The following CSMD1 variants were observed in gnomAD, a reference collection of about 807,000 sequenced individuals.
CSMD1 encodes CUB and sushi domain-containing protein 1.
A neutral mutation model predicts 417.5 loss-of-function variants in CSMD1; 213 were observed. The observed-to-expected ratio is 0.51, with a 90% CI of 0.46 to 0.57. CSMD1 has a LOEUF of 0.57. Ranked by LOEUF, CSMD1 falls within the 20% of genes least tolerant of loss-of-function variation. The pLI, the probability that CSMD1 is intolerant of heterozygous loss-of-function variation, is 0.00. For synonymous variants in CSMD1, 2,862 were observed against 1,736.8 expected (o/e 1.65, Z -16.11); for missense variants, 6,923 against 4,529.7 (o/e 1.53, Z -15.17).
chr8:3,831,864 C>G lies in CSMD1; in HGVS notation c.819-77822G>C, dbSNP rs544076942. On this transcript the variant is annotated intron_variant, in intron 5 of 69. Coordinates refer to ENST00000635120, the MANE Select transcript of CSMD1 (RefSeq NM_033225.6). Reference sequence around the variant, plus strand: ...TATCCTTGTTCATATAACATAGCATCTTTGTGATTCAGGTCATACAATATG... The same window carrying G: ...TATCCTTGTTCATATAACATAGCATGTTTGTGATTCAGGTCATACAATATG... Among the ~76,000 whole-genome samples the G allele has an allele frequency of 2.4e-4, 37 of 152,240 alleles. No individual in the cohort carries two copies. In the South Asian group the frequency reaches 7.5e-3, roughly 31 times the overall value.
chr8:3,480,108 C>A (rs1817651476), intron 11 of CSMD1, among the ~76,000 whole-genome samples: 1 of 152,114 alleles, frequency 6.6e-6, no homozygotes, highest in South Asian at 2.1e-4. Context: ...TCTGTAATCT[C>A]AGCACTTTGG....
intron 5 of CSMD1, among the ~76,000 whole-genome samples, chr8:3,983,420 G>A (rs1002439986): frequency 3.3e-5 from 5 of 151,776 alleles, no homozygotes; most frequent in Admixed American, 6.6e-5. Flanking sequence ...GTGAGCCACC[G>A]CGCCCGGCCG....
intron 30 of CSMD1, among the ~76,000 whole-genome samples, chr8:3,209,412 G>A (rs1418102220): frequency 6.6e-6 from 1 of 152,028 alleles, no homozygotes; most frequent in Non-Finnish European, 1.5e-5. Flanking sequence ...CATCTCCCGG[G>A]TTCATGCCAT....
In CSMD1 at chr8:3,983,571, T is replaced by G. The variant is rs202051312; in HGVS notation, c.818+14332A>C. Among the ~76,000 whole-genome samples, 20 of 152,312 alleles carry G rather than the reference T, an allele frequency of 1.3e-4. No individual in the cohort carries two copies. The East Asian group carries it at 3.9e-3, about 29-fold the overall frequency. On this transcript the variant is annotated intron_variant, in intron 5 of 69. Coordinates refer to ENST00000635120, the MANE Select transcript of CSMD1 (RefSeq NM_033225.6). ...GTGGAGAAGGACAGCCCCAATTTTGTTTTTGATGTTTCTATTTTATTTTTT... is the reference window on the plus strand; with the variant it reads ...GTGGAGAAGGACAGCCCCAATTTTGGTTTTGATGTTTCTATTTTATTTTTT...
chr8:4,443,584 A>G (rs987312480), intron 2 of CSMD1, among the ~76,000 whole-genome samples: 2 of 151,448 alleles, frequency 1.3e-5, no homozygotes, highest in African/African-American at 4.8e-5. Context: ...AATAATATGC[A>G]TTTGCTTAAA....
chr8:2,974,615 C>T lies in CSMD1; in HGVS notation c.8576G>A (p.Cys2859Tyr), dbSNP rs1218077987. The T allele has an allele frequency of 1.3e-6, 2 of 1,595,242 alleles. No individual in the cohort carries two copies. The highest frequency in any genetic ancestry group is 1.1e-5 in the South Asian group (1 of 88,122). The change falls in exon 56 of 70, where the codon TGT (cysteine) becomes TAT (tyrosine). Residue 2859 changes from cysteine (C) to tyrosine (Y), a missense_variant. By Grantham distance (194) the Cys-to-Tyr change is radical. Coordinates refer to ENST00000635120, the MANE Select transcript of CSMD1 (RefSeq NM_033225.6). ...RSLPKCLAIS[C>Y]GHPGVPANAV... ...GTTGGCAGGGACCCCTGGGTGTCCA[C>T]ACGATATAGCTTCAGAAAAAAGATA...
Position 3,219,270 on chromosome 8 carries a change from C to A in CSMD1, c.4657G>T (p.Ala1553Ser). 6.3e-7 allele frequency: 1 copy of A among 1,592,406 alleles called. No individual in the cohort carries two copies. Among genetic ancestry groups the A allele is most frequent in the Non-Finnish European group, 8.6e-7 (1 of 1,168,448 alleles). The change falls in exon 29 of 70, where the codon GCC (alanine) becomes TCC (serine). Residue 1553 changes from alanine (A) to serine (S), a missense_variant. Physicochemically the swap from Ala to Ser is moderately conservative, Grantham distance 99 (BLOSUM62 1). Coordinates refer to ENST00000635120, the MANE Select transcript of CSMD1 (RefSeq NM_033225.6). ...ATCGCAATACCTTTAAATTCAATGGCGAACCCTGAAAGGCCCACGGAGGCA... is the reference window on the plus strand; with the variant it reads ...ATCGCAATACCTTTAAATTCAATGGAGAACCCTGAAAGGCCCACGGAGGCA... ...SDASVGLSGF[A>S]IEFKEKPREA... is the part of the protein sequence containing the mutation.
At chr8:3,630,170 T>A (rs1189680380) in intron 7 of CSMD1, among the ~76,000 whole-genome samples, 1 of 152,244 alleles carries the variant, frequency 6.6e-6, no homozygotes, top group Non-Finnish European at 1.5e-5. Flanking sequence ...ACTGAATGCC[T>A]GGTACAGGCA....
chr8:3,583,089 T>A (rs1182958818), intron 9 of CSMD1, among the ~76,000 whole-genome samples: 1 of 152,130 alleles, frequency 6.6e-6, no homozygotes, highest in Non-Finnish European at 1.5e-5. Context: ...TTTGACCTCT[T>A]CCTGGGGAGC....
intron 6 of CSMD1, among the ~76,000 whole-genome samples, chr8:3,719,739 T>C (rs1354224863): frequency 6.6e-6 from 1 of 152,160 alleles, no homozygotes; most frequent in African/African-American, 2.4e-5. Flanking sequence ...TACAAATATA[T>C]ACTGGCTGCT....
intron 3 of CSMD1, among the ~76,000 whole-genome samples, chr8:4,095,364 C>G (rs1425066705): frequency 6.6e-6 from 1 of 151,558 alleles, no homozygotes; most frequent in African/African-American, 2.4e-5. Flanking sequence ...TTGTATGTGG[C>G]TGATGTAGAA....
chr8:3,537,745 A>G (rs1320186535), intron 10 of CSMD1, among the ~76,000 whole-genome samples: 2 of 152,274 alleles, frequency 1.3e-5, no homozygotes, highest in Admixed American at 6.5e-5. Context: ...GTTTTTAACT[A>G]TTTTATTTAG....
intron 5 of CSMD1, among the ~76,000 whole-genome samples, chr8:3,893,032 T>C (rs1054206952): frequency 1.5e-4 from 23 of 151,954 alleles, no homozygotes; most frequent in African/African-American, 5.5e-4. Flanking sequence ...TTGTCAATAA[T>C]AGTGATATGG....
intron 12 of CSMD1, among the ~76,000 whole-genome samples, chr8:3,442,560 G>C (rs773904910): frequency 6.6e-6 from 1 of 152,132 alleles, no homozygotes; most frequent in Non-Finnish European, 1.5e-5. Flanking sequence ...TACAGGTTTG[G>C]AGCCTAGGAA....
At chr8:4,579,404 G>T (rs548898811) in intron 2 of CSMD1, among the ~76,000 whole-genome samples, 3 of 151,952 alleles carry the variant, frequency 2.0e-5, no homozygotes, top group African/African-American at 7.2e-5. Flanking sequence ...CATCCTCCAG[G>T]CTGGTGTACA....
At chr8:3,129,076 G>A (rs1005546512) in intron 41 of CSMD1, among the ~76,000 whole-genome samples, 2 of 152,162 alleles carry the variant, frequency 1.3e-5, no homozygotes, top group Non-Finnish European at 2.9e-5. Context: ...AAAGGCCACG[G>A]AGTCAACATC....
At chr8:3,255,080 C>G (rs1302822615) in intron 26 of CSMD1, among the ~76,000 whole-genome samples, 5 of 152,176 alleles carry the variant, frequency 3.3e-5, no homozygotes, top group Non-Finnish European at 7.3e-5. Flanking sequence ...TGTTAGTTTT[C>G]ATTGTAACAG....
intron 1 of CSMD1, among the ~76,000 whole-genome samples, chr8:4,793,835 G>GAA (rs35760193): frequency 0.028 from 3,675 of 132,352 alleles, 74 homozygotes; most frequent in African/African-American, 0.034. Flanking sequence ...CCCAGAATAG[G>GAA]AAAAAAAAAA....
At chr8:3,630,840 C>T (rs1020880295) in intron 7 of CSMD1, among the ~76,000 whole-genome samples, 2 of 152,100 alleles carry the variant, frequency 1.3e-5, no homozygotes, top group African/African-American at 4.8e-5. Context: ...TCTCAGATCC[C>T]CACAGGCAAC....
Sources: allele counts gnomAD v4.1 joint callset (sites outside exome capture counted in the v4.1 genomes callset), GRCh38; gene constraint gnomAD v4.1.1; transcripts MANE v1.5; gene names NCBI Gene and HGNC (gene_info 2026-07-23, HGNC 2026-07-21).